The following FAM135A variants were observed in gnomAD, a reference collection of about 807,000 sequenced individuals.
The protein encoded by FAM135A is family with sequence similarity 135 member A.
Under a neutral mutation model 146.8 loss-of-function variants are expected in FAM135A, and 79 were observed. The ratio of observed to expected loss-of-function variants is 0.54; its 90% CI spans 0.45 to 0.65. The LOEUF (loss-of-function observed/expected upper bound fraction) is 0.65, where lower values mean the gene tolerates loss of function less well. FAM135A is among the 30% of genes least tolerant of loss of function. FAM135A has a pLI of 0.00. For missense variants in FAM135A, 1,623 were observed against 1,758.2 expected (o/e 0.92, Z 1.38); for synonymous variants, 562 against 603.6 (o/e 0.93, Z 1.01).
intron 4 of FAM135A, among the ~76,000 whole-genome samples, chr6:70,445,943 G>A (rs1247532173): frequency 6.6e-6 from 1 of 152,224 alleles, no homozygotes; most frequent in Non-Finnish European, 1.5e-5. Context: ...TCTTGCAGGA[G>A]TCAGGATCTG....
chr6:70,510,882 C>A (rs1790838768), intron 12 of FAM135A, among the ~76,000 whole-genome samples: 1 of 152,074 alleles, frequency 6.6e-6, no homozygotes, highest in African/African-American at 2.4e-5. Context: ...TACATTCCCA[C>A]CAGCAATGTA....
intron 20 of FAM135A, among the ~76,000 whole-genome samples, chr6:70,544,385 A>T (rs1798471220): frequency 6.6e-6 from 1 of 151,998 alleles, no homozygotes; most frequent in South Asian, 2.1e-4. Context: ...AAAATTAGCC[A>T]GGCATGGTGG....
chr6:70,442,586 T>C (rs575616519), intron 4 of FAM135A, among the ~76,000 whole-genome samples: 14 of 152,118 alleles, frequency 9.2e-5, no homozygotes, highest in Non-Finnish European at 1.8e-4. Flanking sequence ...CAAATAAATA[T>C]ATAGTCATAC....
intron 11 of FAM135A, among the ~76,000 whole-genome samples, chr6:70,500,548 G>A (rs1425383395): frequency 1.3e-5 from 2 of 152,152 alleles, no homozygotes; most frequent in Admixed American, 6.5e-5. Context: ...CAATCATTTG[G>A]AGAAGAGGCA....
chr6:70,551,166 T>G (rs1799764526), intron 20 of FAM135A, among the ~76,000 whole-genome samples: 1 of 152,270 alleles, frequency 6.6e-6, no homozygotes, highest in Non-Finnish European at 1.5e-5. Flanking sequence ...GTGTTTTCAC[T>G]AGAGTAGCCC....
At chr6:70,506,902 A>G (rs559075555) in intron 12 of FAM135A, among the ~76,000 whole-genome samples, 1 of 152,098 alleles carries the variant, frequency 6.6e-6, no homozygotes, top group African/African-American at 2.4e-5. Flanking sequence ...CGCAAGGATT[A>G]GAGGCAACTT....
intron 11 of FAM135A, 88 bp downstream of exon 11, chr6:70,491,171 GTATT>G (rs1486775263): frequency 9.5e-6 from 10 of 1,056,178 alleles, no homozygotes; most frequent in South Asian, 9.0e-5. Flanking sequence ...AAAACTTAAA[GTATT>G]TATAGTTCCT....
intron 20 of FAM135A, among the ~76,000 whole-genome samples, chr6:70,547,347 A>G (rs1799033908): frequency 6.6e-6 from 1 of 152,226 alleles, no homozygotes; most frequent in Non-Finnish European, 1.5e-5. Flanking sequence ...TTTATTTAAA[A>G]TGAGTAAAAA....
chr6:70,451,098 A>G (rs989861491), intron 4 of FAM135A, among the ~76,000 whole-genome samples: 1 of 152,112 alleles, frequency 6.6e-6, no homozygotes, highest in Non-Finnish European at 1.5e-5. Flanking sequence ...TTGTGGTCCC[A>G]TACAAATTTT....
rs1458708616 is a variant in FAM135A at position 70,559,836 on chromosome 6, G to A, written c.4463G>A (p.Gly1488Glu). The A allele has an allele frequency of 6.2e-7, 1 of 1,614,082 alleles. No homozygotes were observed. The highest frequency in any genetic ancestry group is 1.7e-5 in the Admixed American group (1 of 60,018). ...CCCAATACAGCTGATTCACTCATTGGGAGAGCTGCACATATAGCTGTTCTT... is the reference window on the plus strand; with the variant it reads ...CCCAATACAGCTGATTCACTCATTGAGAGAGCTGCACATATAGCTGTTCTT... Reference protein sequence around the residue: ...ALPNTADSLIGRAAHIAVLDS... With the variant: ...ALPNTADSLIERAAHIAVLDS... Residue 1488 changes from glycine (G) to glutamate (E), a missense_variant, in exon 22 of 22, where the codon GGG becomes GAG. By Grantham distance (98) the Gly-to-Glu change is moderately conservative. Transcript: ENST00000418814.
Position 70,524,772 on chromosome 6 carries a change from C to T in FAM135A, c.1688C>T (p.Thr563Ile), listed in dbSNP as rs990291127. Residue 563 changes from threonine (T) to isoleucine (I), a missense_variant, in exon 15 of 22, where the codon ACC (threonine) becomes ATC (isoleucine). By Grantham distance (89) the Thr-to-Ile change is moderately conservative (BLOSUM62 -1). Coordinates refer to ENST00000418814, the MANE Select transcript of FAM135A (RefSeq NM_001162529.3). ...TGTGGATATAATTTTGACCCAAAGA[C>T]CTACATGAGACAGACAAGTCAAAAG... ...TICGYNFDPK[T>I]YMRQTSQKEA... The T allele has an allele frequency of 1.8e-5, 28 of 1,550,364 alleles. No homozygotes were observed. The highest frequency in any genetic ancestry group is 2.4e-5 in the Non-Finnish European group (28 of 1,146,568).
At chr6:70,528,243 C>G (rs1795108468) in intron 15 of FAM135A, 49 bp from the exon 16 acceptor site, 8 of 1,528,406 alleles carry the variant, frequency 5.2e-6, no homozygotes, top group Non-Finnish European at 7.0e-6. Context: ...AGGGTTCTAA[C>G]AACTGAATAT....
chr6:70,464,539 A>T (rs1264951555), intron 5 of FAM135A, among the ~76,000 whole-genome samples: 1 of 152,150 alleles, frequency 6.6e-6, no homozygotes, highest in Non-Finnish European at 1.5e-5. Context: ...CTTAGCATAC[A>T]CGTTTAGGTC....
At chr6:70,424,043 G>A (rs777158146) in intron 2 of FAM135A, among the ~76,000 whole-genome samples, 2 of 152,220 alleles carry the variant, frequency 1.3e-5, no homozygotes, top group African/African-American at 4.8e-5. Context: ...TGAGAATGAT[G>A]AAGATCTCAT....
chr6:70,448,670 C>CGAACAAAGA (rs1429581399), intron 4 of FAM135A, among the ~76,000 whole-genome samples: 16 of 152,170 alleles, frequency 1.1e-4, no homozygotes, highest in African/African-American at 3.4e-4. Context: ...CTGAGAGCCC[C>CGAACAAAGA]GAACAAAGAT....
At chr6:70,537,749 G>C (rs890234080) in intron 19 of FAM135A, among the ~76,000 whole-genome samples, 4 of 152,102 alleles carry the variant, frequency 2.6e-5, no homozygotes, top group African/African-American at 9.7e-5. Context: ...TGAAGAGCAA[G>C]ATGCATTTAA....
At chr6:70,448,937 A>G (rs1452053270) in intron 4 of FAM135A, among the ~76,000 whole-genome samples, 1 of 152,186 alleles carries the variant, frequency 6.6e-6, no homozygotes, top group African/African-American at 2.4e-5. Context: ...GTAAACCCAC[A>G]ACCTTCCAGC....
At chr6:70,431,180 G>C (rs1196159468) in intron 4 of FAM135A, among the ~76,000 whole-genome samples, 2 of 152,080 alleles carry the variant, frequency 1.3e-5, no homozygotes, top group Non-Finnish European at 2.9e-5. Context: ...ATCGATTTCT[G>C]TATTGTTTAT....
At chr6:70,533,125 A>G in intron 16 of FAM135A, 35 bp from the exon 17 acceptor site, 2 of 1,529,388 alleles carry the variant, frequency 1.3e-6, no homozygotes, top group Non-Finnish European at 1.8e-6. Context: ...CTTTTACTTT[A>G]TCTCATCCTT....
Sources: gnomAD v4.1 joint callset for allele counts (sites outside exome capture counted in the v4.1 genomes callset) on GRCh38, gnomAD v4.1.1 for gene constraint, MANE v1.5 for transcripts, NCBI Gene and HGNC (gene_info 2026-07-23, HGNC 2026-07-21) for gene names.